The following TRPA1 variants were observed in gnomAD, a reference collection of about 807,000 sequenced individuals.
TRPA1 encodes the protein transient receptor potential cation channel subfamily A member 1, also known as ankyrin-like with transmembrane domains 1.
A neutral mutation model predicts 131.3 loss-of-function variants in TRPA1; 129 were observed. The ratio of observed to expected loss-of-function variants is 0.98; its 90% confidence interval spans 0.85 to 1.14. The LOEUF (loss-of-function observed/expected upper bound fraction) is 1.14, where lower values mean the gene tolerates loss of function less well. TRPA1 is among the 50% of genes most tolerant of loss of function. The pLI is 0.00. For synonymous variants in TRPA1, 441 were observed against 451.7 expected (o/e 0.98, Z 0.30); for missense variants, 1,304 against 1,354.2 (o/e 0.96, Z 0.58).
chr8:72,034,149 T>C (rs1585844614), intron 22 of TRPA1, 99 bp downstream of exon 22: 1 of 1,228,630 alleles, frequency 8.1e-7, no homozygotes, highest in East Asian at 2.6e-5. Context: ...ATACTGTTGT[T>C]ATGTAATTAT....
chr8:72,052,927 G>C, intron 13 of TRPA1, 162 bp from the exon 14 acceptor site: 1 of 636,310 alleles, frequency 1.6e-6, no homozygotes, highest in Non-Finnish European at 2.6e-6. Flanking sequence ...TGAGTTTATA[G>C]TTCTAGCATG....
At chr8:72,043,619 C>T (rs1254404251) in intron 17 of TRPA1, among the ~76,000 whole-genome samples, 1 of 151,710 alleles carries the variant, frequency 6.6e-6, no homozygotes, top group African/African-American at 2.4e-5. Flanking sequence ...AATTTTCTCC[C>T]TATCTTTCCA....
chr8:72,046,420 A>G (rs1013129419), intron 17 of TRPA1, 93 bp downstream of exon 17: 4 of 702,938 alleles, frequency 5.7e-6, no homozygotes, highest in Non-Finnish European at 9.4e-6. Flanking sequence ...ACTAACCTGC[A>G]CAATGTGCAC....
At chr8:72,032,140 G>T (rs936613330) in intron 23 of TRPA1, among the ~76,000 whole-genome samples, 12 of 152,308 alleles carry the variant, frequency 7.9e-5, no homozygotes, top group Admixed American at 6.5e-4. Context: ...AAAGATCTTG[G>T]TAAGATCCAG....
intron 1 of TRPA1, among the ~76,000 whole-genome samples, chr8:72,073,584 A>G (rs1387974319): frequency 1.3e-5 from 2 of 152,242 alleles, no homozygotes; most frequent in Non-Finnish European, 2.9e-5. Context: ...TAAAAGATAT[A>G]ATCCTTCAAT....
At chr8:72,058,946 C>A (rs1001060825) in intron 8 of TRPA1, among the ~76,000 whole-genome samples, 2 of 152,074 alleles carry the variant, frequency 1.3e-5, no homozygotes, top group Non-Finnish European at 2.9e-5. Context: ...AAATCTTTGA[C>A]AATATTTTTC....
intron 23 of TRPA1, among the ~76,000 whole-genome samples, chr8:72,030,666 A>G (rs961433736): frequency 2.0e-5 from 3 of 152,238 alleles, no homozygotes; most frequent in African/African-American, 7.2e-5. Context: ...GTGTGGCCAC[A>G]CAACATGGTG....
At chr8:72,026,271 C>G (rs1185171906) in intron 24 of TRPA1, among the ~76,000 whole-genome samples, 198 bp from the exon 25 acceptor site, 1 of 152,212 alleles carries the variant, frequency 6.6e-6, no homozygotes, top group Non-Finnish European at 1.5e-5. Flanking sequence ...CACCCACTGA[C>G]AGGGCAGCAA....
chr8:72,079,211 C>G (rs561370397), upstream of TRPA1, among the ~76,000 whole-genome samples: 1 of 151,708 alleles, frequency 6.6e-6, no homozygotes, highest in Non-Finnish European at 1.5e-5. Flanking sequence ...CTTAATAGTG[C>G]CTTTTGAAAA....
chr8:72,040,620 A>G (rs938810766), intron 17 of TRPA1, among the ~76,000 whole-genome samples: 2 of 152,096 alleles, frequency 1.3e-5, no homozygotes, highest in African/African-American at 4.8e-5. Flanking sequence ...GGGGCTGCCC[A>G]AGGGAATGAT....
rs765643682 is a variant in TRPA1 at position 72,039,807 on chromosome 8, A to T, written c.2062-10T>A. 5.8e-6 allele frequency: 9 copies of T among 1,564,894 alleles called. No homozygotes were observed. The highest frequency in any genetic ancestry group is 1.1e-5 in the South Asian group (1 of 90,030). On this transcript the variant is annotated splice_polypyrimidine_tract_variant and intron_variant, in intron 17 of 26. Coordinates refer to ENST00000262209, the MANE Select transcript of TRPA1 (RefSeq NM_007332.3). The stretch of plus-strand genomic sequence containing the variant: ...TATTTTGTACCATTGCCTGAGAAAT[A>T]AAAAAAAGTGTAATAAAAACACAAT...
chr8:72,053,765 C>A lies in TRPA1; in HGVS notation c.1632G>T (p.Leu544=), dbSNP rs1319291691. The part of the protein sequence containing the change: ...LDTNLKCTDR[L]DEDGNTALHF... Reference sequence around the variant, plus strand: ...CCGCAGTACATACCCCGTCTTCATCCAGGCGATCTGTGCACTTCAAATTAG... The same window carrying A: ...CCGCAGTACATACCCCGTCTTCATCAAGGCGATCTGTGCACTTCAAATTAG... Residue 544 remains leucine, a synonymous_variant, in exon 13 of 27, where the codon CTG becomes CTT. Transcript: ENST00000262209. 1 of 1,612,164 alleles carries A rather than the reference C, an allele frequency of 6.2e-7. No homozygotes were observed. Among genetic ancestry groups the A allele is most frequent in the Admixed American group, 1.7e-5 (1 of 59,902 alleles).
intron 3 of TRPA1, among the ~76,000 whole-genome samples, chr8:72,067,211 T>TACAGGCC (rs1485665121): frequency 6.6e-6 from 1 of 152,136 alleles, no homozygotes; most frequent in African/African-American, 2.4e-5. Flanking sequence ...GCTGGGTGTT[T>TACAGGCC]ACAGGCCGGA....
chr8:72,054,448 A>G (rs1805609185), intron 12 of TRPA1: 1 of 153,640 alleles, frequency 6.5e-6, no homozygotes. Context: ...TTTCCACAGA[A>G]ATTCAAGATG....
At chr8:72,068,417 C>T (rs1443952) in intron 3 of TRPA1, among the ~76,000 whole-genome samples, 55,006 of 152,002 alleles carry the variant, frequency 0.36, 10,457 homozygotes, top group East Asian at 0.55. Context: ...TTTGACCGAA[C>T]TTACTCTTAC....
At position 72,053,810 on chromosome 8, in the gene TRPA1, G is replaced by C; in HGVS notation, c.1587C>G (p.Thr529=). ...AATTAGTATCAAGAATGACCTTCAT[G>C]GTCTGAGTGTACCCGCCCATGGACG... ...HHASMGGYTQ[T]MKVILDTNLK... Residue 529 remains threonine, a synonymous_variant, in exon 13 of 27, where the codon ACC becomes ACG. Transcript: ENST00000262209. 6.2e-7 allele frequency: 1 copy of C among 1,612,518 alleles called. No individual in the cohort carries two copies. The highest frequency in any genetic ancestry group is 8.5e-7 in the Non-Finnish European group (1 of 1,179,846).
At chr8:72,038,123 T>C in intron 19 of TRPA1, 51 bp from the exon 20 acceptor site, 1 of 931,756 alleles carries the variant, frequency 1.1e-6, no homozygotes, top group Non-Finnish European at 1.7e-6. Flanking sequence ...TAAAACACTT[T>C]AACATTTCCA....
chr8:72,075,519 C>T lies in TRPA1; in HGVS notation c.-110G>A. ...GCGCTGGGGTCCGCGCGAGCCCGAGCTCTCCCGCGCTGCAGCTCACAGGCA... is the reference window on the plus strand; with the variant it reads ...GCGCTGGGGTCCGCGCGAGCCCGAGTTCTCCCGCGCTGCAGCTCACAGGCA... On this transcript the variant is annotated 5_prime_UTR_variant, in exon 1 of 27. Coordinates refer to ENST00000262209, the MANE Select transcript of TRPA1 (RefSeq NM_007332.3). 1 of 871,112 alleles carries T rather than the reference C, an allele frequency of 1.1e-6. No individual in the cohort carries two copies. The highest frequency in any genetic ancestry group is 1.9e-6 in the Non-Finnish European group (1 of 527,614). 54.0% of individuals were successfully genotyped at this position (871,112 alleles called of 1,614,324 possible).
chr8:72,075,585 AAGG>A, upstream of TRPA1: 1 of 631,616 alleles, frequency 1.6e-6, no homozygotes. Context: ...GAACTTCTGG[AAGG>A]AGTTCTCAGG....
Sources: gnomAD v4.1 joint callset for allele counts (sites outside exome capture counted in the v4.1 genomes callset) on GRCh38, gnomAD v4.1.1 for gene constraint, MANE v1.5 for transcripts, NCBI Gene and HGNC (gene_info 2026-07-23, HGNC 2026-07-21) for gene names.